The following BCAS3 variants were observed in gnomAD, a reference collection of about 807,000 sequenced individuals.
The protein encoded by BCAS3 is BCAS3 microtubule associated cell migration factor.
In BCAS3, 53 loss-of-function variants were observed where a neutral mutation model predicts 116.1. The observed-to-expected ratio is 0.46, with a 90% CI of 0.37 to 0.57. The LOEUF (loss-of-function observed/expected upper bound fraction) is 0.57. Among genes scored for constraint, BCAS3 ranks in the 20% least tolerant of loss-of-function variants. The pLI, the probability that BCAS3 is intolerant of heterozygous loss-of-function variation, is 0.00. For synonymous variants in BCAS3, 391 were observed against 408.2 expected (o/e 0.96, Z 0.51); for missense variants, 917 against 1,165.4 (o/e 0.79, Z 3.10).
Position 61,215,202 on chromosome 17 carries a change from T to G in BCAS3, c.2425+130638T>G, listed in dbSNP as rs999817507. 2.0e-5 allele frequency among the ~76,000 whole-genome samples: 3 copies of G among 152,236 alleles called. No homozygotes were observed. Among genetic ancestry groups the G allele is most frequent in the Admixed American group, 2.0e-4 (3 of 15,284 alleles). ...ACCTATGTCTTATGCTTTAACTCTT[T>G]TTAGAGAGGAGAACAAATCTCTTTT... On this transcript the variant is annotated intron_variant, in intron 22 of 23. Transcript: ENST00000407086. The surrounding 1 kb of genome is among the most constrained non-coding windows in gnomAD (Gnocchi z 4.8).
At chr17:60,798,406 C>T (rs943968495) in intron 6 of BCAS3, among the ~76,000 whole-genome samples, 9 of 152,006 alleles carry the variant, frequency 5.9e-5, no homozygotes, top group Non-Finnish European at 1.3e-4. Context: ...TTTTACTGTC[C>T]CCATAGTTTT....
In BCAS3 at chr17:61,214,240, C is replaced by T. The variant is rs1219156023; in HGVS notation, c.2425+129676C>T. Reference sequence around the variant, plus strand: ...AATTAGCCAGGTGTGGTGGCAGGCACCTGTAATCCCAGCTACTTGGGAGGC... The same window carrying T: ...AATTAGCCAGGTGTGGTGGCAGGCATCTGTAATCCCAGCTACTTGGGAGGC... On this transcript the variant is annotated intron_variant, in intron 22 of 23. Transcript: ENST00000407086. The surrounding 1 kb of genome is among the most constrained non-coding windows in gnomAD (Gnocchi z 4.4). Among the ~76,000 whole-genome samples the T allele has an allele frequency of 6.6e-6, 1 of 152,026 alleles. No homozygotes were observed. Among genetic ancestry groups the T allele is most frequent in the East Asian group, 1.9e-4 (1 of 5,196 alleles).
rs1183032188 is a variant in BCAS3 at position 60,727,624 on chromosome 17, A to C, written c.321+18299A>C. The C allele has an allele frequency of 5.4e-6, 3 of 554,088 alleles. No homozygotes were observed. In the East Asian group the frequency reaches 9.8e-5, roughly 18 times the overall value. 34.3% of individuals were successfully genotyped at this position (554,088 alleles called of 1,614,324 possible). ...CAGTTTTAGGTTCACGGCAAAACTG[A>C]GTAGAAAGTATACGGAGGTCCCGTA... On this transcript the variant is annotated intron_variant, in intron 5 of 23. Transcript: ENST00000407086.
At chr17:60,987,984 A>G (rs531095090) in intron 14 of BCAS3, among the ~76,000 whole-genome samples, 2 of 152,112 alleles carry the variant, frequency 1.3e-5, no homozygotes, top group East Asian at 1.9e-4. Context: ...CTTTTCTTCT[A>G]TGGAGGTATT....
intron 6 of BCAS3, among the ~76,000 whole-genome samples, chr17:60,806,985 C>T (rs930862418): frequency 9.9e-5 from 15 of 152,036 alleles, no homozygotes; most frequent in Non-Finnish European, 1.5e-4. Flanking sequence ...TCTGGATATT[C>T]TTGTATTATT....
intron 5 of BCAS3, among the ~76,000 whole-genome samples, chr17:60,733,128 A>G (rs1186688067): frequency 6.6e-6 from 1 of 152,242 alleles, no homozygotes; most frequent in African/African-American, 2.4e-5. Context: ...TACATTTAAC[A>G]AATATACAAT....
chr17:60,696,782 G>C (rs1439917902), intron 4 of BCAS3, among the ~76,000 whole-genome samples: 1 of 152,078 alleles, frequency 6.6e-6, no homozygotes, highest in Non-Finnish European at 1.5e-5. Context: ...TTACCTTTCA[G>C]GTCATTAAAG....
intron 14 of BCAS3, among the ~76,000 whole-genome samples, chr17:60,984,008 C>T (rs1376111678): frequency 3.3e-5 from 5 of 152,200 alleles, no homozygotes; most frequent in South Asian, 2.1e-4. Context: ...TGAACATAAT[C>T]GTAGGCAAGC....
chr17:60,776,840 A>T (rs2045339732), intron 6 of BCAS3, among the ~76,000 whole-genome samples: 1 of 151,900 alleles, frequency 6.6e-6, no homozygotes, highest in Non-Finnish European at 1.5e-5. Flanking sequence ...ACACAGAGAA[A>T]CCCCATCTCT....
chr17:61,204,751 G>A lies in BCAS3; in HGVS notation c.2425+120187G>A, dbSNP rs562731517. 2.0e-5 allele frequency among the ~76,000 whole-genome samples: 3 copies of A among 152,076 alleles called. No homozygotes were observed. Among genetic ancestry groups the A allele is most frequent in the African/African-American group, 4.8e-5 (2 of 41,502 alleles). On this transcript the variant is annotated intron_variant, in intron 22 of 23. Transcript: ENST00000407086. This position sits in a 1 kb window ranked among gnomAD's most constrained non-coding sequence, Gnocchi z 4.2. ...TATTAATAAGCATTTAGAAAAACTC[G>A]ACAAAAAATTAAAGAATTGGCCTGG...
chr17:61,048,740 G>A (rs1568222897), intron 19 of BCAS3, among the ~76,000 whole-genome samples: 3 of 151,844 alleles, frequency 2.0e-5, no homozygotes, highest in African/African-American at 7.3e-5. Context: ...TCTTCACAGA[G>A]AAAAAATGCT....
At chr17:61,357,774 A>T (rs930731964) in intron 22 of BCAS3, among the ~76,000 whole-genome samples, 23 of 149,764 alleles carry the variant, frequency 1.5e-4, no homozygotes, top group Admixed American at 1.1e-3. Flanking sequence ...ATAATAATAA[A>T]AAATATAAAA....
At chr17:60,834,280 T>C (rs1005358639) in intron 7 of BCAS3, among the ~76,000 whole-genome samples, 13 of 152,026 alleles carry the variant, frequency 8.6e-5, no homozygotes, top group African/African-American at 3.1e-4. Flanking sequence ...AAGCTTAGAT[T>C]TTTCTGCTAT....
rs902054351 is a variant in BCAS3 at position 61,283,824 on chromosome 17, C to T, written c.2426-84503C>T. Among the ~76,000 whole-genome samples, 7 of 151,998 alleles carry T rather than the reference C, an allele frequency of 4.6e-5. No individual in the cohort carries two copies. The East Asian group carries it at 9.7e-4, about 21-fold the overall frequency. On this transcript the variant is annotated intron_variant, in intron 22 of 23. Coordinates refer to ENST00000407086, the MANE Select transcript of BCAS3 (RefSeq NM_017679.5). ...TGTCACCCAGGTTGGAATGCAGTGA[C>T]GCAGTCATAGCTCACTGCAGCCTCA...
intron 14 of BCAS3, among the ~76,000 whole-genome samples, chr17:60,980,980 T>G (rs1290951482): frequency 6.6e-6 from 1 of 152,040 alleles, no homozygotes; most frequent in Non-Finnish European, 1.5e-5. Context: ...ACTACAGGCA[T>G]GTGCCACCAT....
intron 22 of BCAS3, among the ~76,000 whole-genome samples, chr17:61,288,986 G>A (rs1326758206): frequency 3.3e-5 from 5 of 152,302 alleles, no homozygotes; most frequent in Admixed American, 1.3e-4. Context: ...CGTCCCATTC[G>A]GGAAGGGCCG....
chr17:61,159,391 G>A (rs2078037783), intron 22 of BCAS3: 1 of 152,142 alleles, frequency 6.6e-6, no homozygotes, highest in Non-Finnish European at 1.5e-5. Flanking sequence ...GAAGAAACTT[G>A]TGAGATGATT....
At chr17:60,945,686 A>G (rs1567933666) in intron 13 of BCAS3, among the ~76,000 whole-genome samples, 2 of 152,016 alleles carry the variant, frequency 1.3e-5, no homozygotes, top group Admixed American at 6.6e-5. Context: ...CTGTAGTCCC[A>G]GCTACTTGGG....
At chr17:61,094,342 G>A (rs2073828592) in intron 22 of BCAS3, among the ~76,000 whole-genome samples, 1 of 152,170 alleles carries the variant, frequency 6.6e-6, no homozygotes. Flanking sequence ...CTGTTTTCAT[G>A]GAATCCCATT....
Sources: gnomAD v4.1 joint callset for allele counts (sites outside exome capture counted in the v4.1 genomes callset) on GRCh38, gnomAD v4.1.1 for gene constraint, Gnocchi (gnomAD v3.1) non-coding constraint, MANE v1.5 for transcripts, NCBI Gene and HGNC (gene_info 2026-07-23, HGNC 2026-07-21) for gene names.